CFAP53: variants seen among roughly 807,000 people sequenced by gnomAD.
CFAP53 encodes the protein cilia- and flagella-associated protein 53.
In CFAP53, 62 loss-of-function variants were observed where a neutral mutation model predicts 59.7. That is an observed-to-expected ratio of 1.04 (90% confidence interval 0.85 to 1.28). The LOEUF (loss-of-function observed/expected upper bound fraction) is 1.28, where lower values mean the gene tolerates loss of function less well. Among genes scored for constraint, CFAP53 ranks in the 50% most tolerant of loss-of-function variants. The pLI is 0.00. For missense variants in CFAP53, 629 were observed against 615.6 expected, an observed-to-expected ratio of 1.02 and a Z score of -0.23; for synonymous variants, 218 against 205.7, an observed-to-expected ratio of 1.06 and a Z score of -0.51.
rs1422397848 is a variant in CFAP53 at position 50,237,740 on chromosome 18, C to T, written c.1316+863G>A. Among the ~76,000 whole-genome samples, 4 of 152,054 alleles carry T rather than the reference C, an allele frequency of 2.6e-5. No homozygotes were observed. In the South Asian group the frequency reaches 6.2e-4, roughly 24 times the overall value. ...GCAGGGAGGTAGCTGCCTGTTTCCC[C>T]CACCTGAGCCTGGTTGTGGTGATCA... On this transcript the variant is annotated intron_variant, in intron 7 of 7. Transcript: ENST00000398545.
intron 1 of CFAP53, 58 bp downstream of exon 1, chr18:50,266,278 C>T: frequency 3.2e-6 from 5 of 1,561,618 alleles, no homozygotes; most frequent in Non-Finnish European, 4.4e-6. Context: ...TAGGCCAGGC[C>T]TGGAGTGCGG....
intron 3 of CFAP53, 44 bp downstream of exon 3, chr18:50,261,020 G>A (rs759776692): frequency 1.3e-6 from 2 of 1,562,018 alleles, no homozygotes; most frequent in Admixed American, 2.1e-5. Context: ...CTATTTTAAT[G>A]TACCAACTTT....
intron 1 of CFAP53, among the ~76,000 whole-genome samples, chr18:50,265,184 T>G (rs938248050): frequency 6.6e-6 from 1 of 152,324 alleles, no homozygotes; most frequent in Admixed American, 6.5e-5. Context: ...TTTGAAAATC[T>G]GAAATCTGAA....
At chr18:50,256,448 T>A (rs1405791234) in intron 3 of CFAP53, 1 of 152,208 alleles carries the variant, frequency 6.6e-6, no homozygotes, top group Non-Finnish European at 1.5e-5. Context: ...AACTCAGTTA[T>A]CCATCTACAA....
rs563184388 is a variant in CFAP53, at chr18:50,233,942, G to A, written c.1316+4661C>T. Among the ~76,000 whole-genome samples the A allele has an allele frequency of 5.9e-5, 9 of 152,304 alleles. No homozygotes were observed. In the South Asian group the frequency reaches 1.9e-3, roughly 32 times the overall value. ...CTCATGGCAATCATCCACTGTGACG[G>A]AGCAGATTGGGAAGGCACCAGAGAT... On this transcript the variant is annotated intron_variant, in intron 7 of 7. Coordinates refer to ENST00000398545, the MANE Select transcript of CFAP53 (RefSeq NM_145020.5).
intron 7 of CFAP53, among the ~76,000 whole-genome samples, chr18:50,230,839 T>G (rs1308234793): frequency 6.6e-6 from 1 of 152,172 alleles, no homozygotes; most frequent in Non-Finnish European, 1.5e-5. Flanking sequence ...GAAATAAAGA[T>G]AATAGAATTT....
intron 5 of CFAP53, among the ~76,000 whole-genome samples, chr18:50,250,010 C>T (rs1402768281): frequency 6.6e-6 from 1 of 152,046 alleles, no homozygotes; most frequent in East Asian, 1.9e-4. Flanking sequence ...ATCACTTGAG[C>T]CCACTCCAGA....
At position 50,250,813 on chromosome 18, in the gene CFAP53, A is replaced by G. The variant is rs372335981; in HGVS notation, c.941T>C (p.Val314Ala). ...RDEQDLNMKL[V>A]QRALQDLQEE... is the part of the protein sequence containing the mutation. ...CTGTAAGTCTTGAAGGGCCCTTTGC[A>G]CGAGCTTCATGTTCAAGTCCTGTTC... Residue 314 changes from valine to alanine, a missense_variant, in exon 5 of 8, where the codon GTG (valine) becomes GCG (alanine). By Grantham distance (64) the Val-to-Ala change is moderately conservative. Coordinates refer to ENST00000398545, the MANE Select transcript of CFAP53 (RefSeq NM_145020.5). The G allele has an allele frequency of 1.2e-6, 2 of 1,614,176 alleles. No homozygotes were observed. Among genetic ancestry groups the G allele is most frequent in the South Asian group, 1.1e-5 (1 of 91,076 alleles).
In CFAP53 at chr18:50,266,351, G is replaced by T; in HGVS notation, c.54C>A (p.Pro18=). Residue 18 remains proline (P), a synonymous_variant, in exon 1 of 8, where the codon CCC becomes CCA. Coordinates refer to ENST00000398545, the MANE Select transcript of CFAP53 (RefSeq NM_145020.5). ...TVQREVKGPT[P]KVVIVRSKPP... The stretch of plus-strand genomic sequence containing the variant: ...CTGTGCTTACCACGATCACCACTTT[G>T]GGGGTGGGGCCCTTAACCTCCCGCT... The T allele has an allele frequency of 1.2e-6, 2 of 1,614,198 alleles. No homozygotes were observed. The highest frequency in any genetic ancestry group is 2.2e-5 in the East Asian group (1 of 44,890).
chr18:50,259,364 A>G (rs1419400822), intron 3 of CFAP53, among the ~76,000 whole-genome samples: 1 of 150,600 alleles, frequency 6.6e-6, no homozygotes, highest in East Asian at 2.0e-4. Flanking sequence ...AAAGACAAAC[A>G]TTGCATGTTC....
At chr18:50,256,660 G>A (rs1377427979) in intron 3 of CFAP53, among the ~76,000 whole-genome samples, 2 of 152,002 alleles carry the variant, frequency 1.3e-5, no homozygotes, top group Non-Finnish European at 2.9e-5. Flanking sequence ...CCTCTAGTAA[G>A]AGGGTTGAGG....
At chr18:50,246,251 T>C (rs1282486645) in intron 5 of CFAP53, among the ~76,000 whole-genome samples, 1 of 152,230 alleles carries the variant, frequency 6.6e-6, no homozygotes, top group Non-Finnish European at 1.5e-5. Context: ...ACATATAGAT[T>C]TGTTATACTG....
chr18:50,243,272 C>T lies in CFAP53; in HGVS notation c.997-156G>A, dbSNP rs2033711151. On this transcript the variant is annotated intron_variant, in intron 5 of 7. Coordinates refer to ENST00000398545, the MANE Select transcript of CFAP53 (RefSeq NM_145020.5). ...TATGTCTGGAGTTTATTCCAAAATA[C>T]TCAAGAGTAGCGGGGGAAATGGGTA... Among the ~76,000 whole-genome samples, 5 of 152,216 alleles carry T rather than the reference C, an allele frequency of 3.3e-5. No homozygotes were observed. The South Asian group carries it at 1.0e-3, about 32-fold the overall frequency.
chr18:50,230,388 T>C (rs902791551), intron 7 of CFAP53, among the ~76,000 whole-genome samples: 2 of 152,152 alleles, frequency 1.3e-5, no homozygotes, highest in Admixed American at 6.5e-5. Context: ...TAAAAACTCT[T>C]GAACAAGGAT....
At chr18:50,239,416 G>GA (rs1262156377) in intron 6 of CFAP53, among the ~76,000 whole-genome samples, 1 of 151,190 alleles carries the variant, frequency 6.6e-6, no homozygotes, top group Non-Finnish European at 1.5e-5. Flanking sequence ...CATCCCAATA[G>GA]AAAAAAAAGA....
At chr18:50,251,399 ACAAACTGTACTGTAACAGGCCTG>A in intron 4 of CFAP53, 59 bp downstream of exon 4, 1 of 1,254,718 alleles carries the variant, frequency 8.0e-7, no homozygotes. Context: ...AGGCCATCAG[ACAAACTGTACTGTAACAGGCCTG>A]CAAACTGTAC....
At chr18:50,246,783 C>T (rs769908386) in intron 5 of CFAP53, among the ~76,000 whole-genome samples, 1 of 152,154 alleles carries the variant, frequency 6.6e-6, no homozygotes, top group Non-Finnish European at 1.5e-5. Context: ...TGGTGGCTCA[C>T]GCCTGTAATC....
intron 6 of CFAP53, among the ~76,000 whole-genome samples, chr18:50,242,157 T>G (rs1001605560): frequency 6.6e-6 from 1 of 152,208 alleles, no homozygotes; most frequent in Non-Finnish European, 1.5e-5. Flanking sequence ...TATCTTTCCT[T>G]GTTCCCTGAA....
In CFAP53 at chr18:50,230,931, C is replaced by T. The variant is rs1274171859; in HGVS notation, c.1317-3322G>A. Among the ~76,000 whole-genome samples, 6 of 152,272 alleles carry T rather than the reference C, an allele frequency of 3.9e-5. No individual in the cohort carries two copies. In the South Asian group the frequency reaches 8.3e-4, roughly 21 times the overall value. The stretch of plus-strand genomic sequence containing the variant: ...ATGGCCACAGTACTGTCTCCCTCCC[C>T]ATATGTGTATCCTATTTAGGGAAAA... On this transcript the variant is annotated intron_variant, in intron 7 of 7. Coordinates refer to ENST00000398545, the MANE Select transcript of CFAP53 (RefSeq NM_145020.5).
Sources: gnomAD v4.1 joint callset for allele counts (sites outside exome capture counted in the v4.1 genomes callset) on GRCh38, gnomAD v4.1.1 for gene constraint, MANE v1.5 for transcripts, NCBI Gene and HGNC (gene_info 2026-07-23, HGNC 2026-07-21) for gene names.